The following MAEA variants were observed in gnomAD, a reference collection of about 807,000 sequenced individuals.
MAEA encodes the protein E3 ubiquitin-protein transferase MAEA.
Under a neutral mutation model 46.2 loss-of-function variants are expected in MAEA, and 22 were observed. The ratio of observed to expected loss-of-function variants is 0.48; its 90% CI spans 0.34 to 0.68. The LOEUF (loss-of-function observed/expected upper bound fraction) is 0.68, where lower values mean the gene tolerates loss of function less well. Among genes scored for constraint, MAEA ranks in the 30% least tolerant of loss-of-function variants. The pLI is 0.01. For missense variants in MAEA, 393 were observed against 558.1 expected, an observed-to-expected ratio of 0.70 and a Z score of 2.98; for synonymous variants, 246 against 222.6, an observed-to-expected ratio of 1.11 and a Z score of -0.94.
intron 5 of MAEA, chr4:1,330,970 G>C (rs10012819): frequency 0.16 from 24,138 of 152,076 alleles, 2,487 homozygotes; most frequent in African/African-American, 0.29. Context: ...GCGTAAACCA[G>C]GTCATGCAAA....
In MAEA at chr4:1,332,762, C is replaced by G. The variant is rs1385757620; in HGVS notation, c.662C>G (p.Ala221Gly). Residue 221 changes from alanine (A) to glycine (G), a missense_variant, in exon 6 of 9, where the codon GCA (alanine) becomes GGA (glycine). Physicochemically the swap from Ala to Gly is moderately conservative, Grantham distance 60 (BLOSUM62 0). Around this residue, in one of 2 missense-constraint regions of MAEA, gnomAD observed 358 missense variants for 537.9 expected, o/e 0.67. Transcript: ENST00000303400. ...GCCAAAATGTTGTTTTTTAGACATG[C>G]AAGAAAGCACTTCAGCCAAGCAGAA... ...QNKRLDAVRH[A>G]RKHFSQAEGS... The G allele has an allele frequency of 1.9e-6, 3 of 1,610,268 alleles. 1 individual carries two copies. The highest frequency in any genetic ancestry group is 2.2e-5 in the South Asian group (2 of 90,790).
intron 1 of MAEA, among the ~76,000 whole-genome samples, chr4:1,303,584 C>G (rs867269856): frequency 1.3e-5 from 2 of 151,986 alleles, no homozygotes; most frequent in Admixed American, 6.6e-5. Context: ...AAGCCAGATA[C>G]AAAAGTCCAC....
At chr4:1,312,278 G>A (rs1418321848) in intron 2 of MAEA, 117 bp downstream of exon 2, 1 of 1,286,294 alleles carries the variant, frequency 7.8e-7, no homozygotes, top group African/African-American at 1.5e-5. Flanking sequence ...TGCGGTTGGG[G>A]GCCCCCTTCC....
chr4:1,308,290 C>T (rs1417246620), intron 1 of MAEA, among the ~76,000 whole-genome samples: 1 of 152,202 alleles, frequency 6.6e-6, no homozygotes, highest in East Asian at 1.9e-4. Context: ...ACCACTATCA[C>T]CTGCACGGTC....
At chr4:1,309,391 C>G (rs541903255) in intron 1 of MAEA, 2 of 1,249,482 alleles carry the variant, frequency 1.6e-6, no homozygotes, top group South Asian at 6.5e-5. Flanking sequence ...CTTTTAGGGC[C>G]CGGAGTCACG....
At chr4:1,316,894 C>A (rs1275572832) in intron 3 of MAEA, among the ~76,000 whole-genome samples, 3 of 151,920 alleles carry the variant, frequency 2.0e-5, no homozygotes, top group Non-Finnish European at 4.4e-5. Flanking sequence ...CTGCCCAGCT[C>A]CCCAGCCTTG....
At chr4:1,309,984 C>G in intron 1 of MAEA, 1 of 1,244,312 alleles carries the variant, frequency 8.0e-7, no homozygotes, top group Non-Finnish European at 1.0e-6. Context: ...TGGTGGCGGT[C>G]TGGAATGTGC....
At chr4:1,321,244 T>C (rs1738049080) in intron 3 of MAEA, among the ~76,000 whole-genome samples, 1 of 150,980 alleles carries the variant, frequency 6.6e-6, no homozygotes, top group South Asian at 2.1e-4. Flanking sequence ...ATGAAGGGGC[T>C]TCAGAAAAGA....
intron 1 of MAEA, among the ~76,000 whole-genome samples, chr4:1,300,570 G>A (rs1348120494): frequency 1.3e-5 from 2 of 152,268 alleles, no homozygotes; most frequent in African/African-American, 2.4e-5. Context: ...CGTGGGGCAC[G>A]GCCCCGGCTC....
chr4:1,320,112 G>C (rs1450174684), intron 3 of MAEA, among the ~76,000 whole-genome samples: 3 of 149,362 alleles, frequency 2.0e-5, no homozygotes, highest in African/African-American at 7.5e-5. Context: ...AAACATGCAA[G>C]AAAACGCTAT....
rs189742859 is a variant in MAEA, at chr4:1,317,031, T to C, written c.456+1431T>C. Among the ~76,000 whole-genome samples, 237 of 40,794 alleles carry C rather than the reference T, an allele frequency of 5.8e-3. 22 individuals carry two copies. Among genetic ancestry groups the C allele is most frequent in the Non-Finnish European group, 6.6e-3 (137 of 20,906 alleles). The allele number at this position is 40,794 out of a possible 152,430, so 26.8% of individuals were successfully genotyped here. A position where few individuals can be genotyped will look rare whatever the true frequency, so the allele number is the denominator to read the frequency against. ...CCGGCCCCCACACTCCAGACTCACC[T>C]GCAGGCCCACCCGGTCCCACACTCC... On this transcript the variant is annotated intron_variant, in intron 3 of 8. Coordinates refer to ENST00000303400, the MANE Select transcript of MAEA (RefSeq NM_001017405.3).
chr4:1,311,714 T>G lies in MAEA; in HGVS notation c.70-265T>G. Reference sequence around the variant, plus strand: ...AACTGTTCGTTATTCTGGATGAACTTTGGGATTATTTTGTCAACATACACG... The same window carrying G: ...AACTGTTCGTTATTCTGGATGAACTGTGGGATTATTTTGTCAACATACACG... On this transcript the variant is annotated intron_variant, in intron 1 of 8. Coordinates refer to ENST00000303400, the MANE Select transcript of MAEA (RefSeq NM_001017405.3). The surrounding 1 kb of genome is among the most constrained non-coding windows in gnomAD (Gnocchi z 4.4). Among the ~76,000 whole-genome samples, 1 of 152,206 alleles carries G rather than the reference T, an allele frequency of 6.6e-6. No individual in the cohort carries two copies. Among genetic ancestry groups the G allele is most frequent in the South Asian group, 2.1e-4 (1 of 4,838 alleles).
rs1304702213 is a variant in MAEA at position 1,315,543 on chromosome 4, G to A, written c.399G>A (p.Leu133=). The A allele has an allele frequency of 6.2e-7, 1 of 1,613,726 alleles. No homozygotes were observed. The highest frequency in any genetic ancestry group is 8.5e-7 in the Non-Finnish European group (1 of 1,179,978). Residue 133 remains leucine (L), a synonymous_variant, in exon 3 of 9, where the codon CTG becomes CTA. Coordinates refer to ENST00000303400, the MANE Select transcript of MAEA (RefSeq NM_001017405.3). ...TGGATCGCATGATGGTGGAGCACCT[G>A]CTGCGTTGCGGCTACTACAACACGG... ...KRMDRMMVEH[L]LRCGYYNTAV... is the part of the protein sequence containing the mutation.
rs116533559 is a variant in MAEA, at chr4:1,330,109, G to A, written c.656+2406G>A. The A allele has an allele frequency of 1.2e-3, 1,140 of 985,406 alleles. 9 individuals carry two copies. The African/African-American group carries it at 0.018, about 16-fold the overall frequency. The allele number at this position is 985,406 out of a possible 1,614,324, so 61.0% of individuals were successfully genotyped here. ...GCCTGGGGCATTTGTGGGTTTTTGC[G>A]AAATGCAAAAGTATGAGCTGCTAGT... On this transcript the variant is annotated intron_variant, in intron 5 of 8. Transcript: ENST00000303400.
At chr4:1,335,243 T>G (rs1271395304) in intron 6 of MAEA, 19 of 985,318 alleles carry the variant, frequency 1.9e-5, no homozygotes, top group South Asian at 4.7e-5. Context: ...GAAGTAAGAG[T>G]TTTTACACCT....
At chr4:1,333,504 G>A (rs574225090) in intron 6 of MAEA, among the ~76,000 whole-genome samples, 5 of 152,216 alleles carry the variant, frequency 3.3e-5, no homozygotes, top group South Asian at 2.1e-4. Flanking sequence ...TCTTGCTGAC[G>A]CTTTGTATTT....
chr4:1,297,085 C>T (rs78122234), intron 1 of MAEA, among the ~76,000 whole-genome samples: 12,356 of 152,216 alleles, frequency 0.081, 1,155 homozygotes, highest in East Asian at 0.42. Context: ...TTCAAAGATA[C>T]GATACCAGGC....
At chr4:1,295,659 GCT>G in intron 1 of MAEA, among the ~76,000 whole-genome samples, 1 of 69,416 alleles carries the variant, frequency 1.4e-5, no homozygotes, top group East Asian at 3.5e-4. Context: ...CCCCTCACCC[GCT>G]CCTGTACCCC....
rs1320259927 is a variant in MAEA at position 1,334,166 on chromosome 4, GCCCA to G, written c.765+1305_765+1308del. On this transcript the variant is annotated intron_variant, in intron 6 of 8. Coordinates refer to ENST00000303400, the MANE Select transcript of MAEA (RefSeq NM_001017405.3). ...TGCTCACCCCTGCATCCACCCCCAT[GCCCA>G]CCCCTGTGCTCATCACACTGGGAAC... Among the ~76,000 whole-genome samples, 141 of 100,702 alleles carry G rather than the reference GCCCA, an allele frequency of 1.4e-3. 20 individuals are homozygous for G. The highest frequency in any genetic ancestry group is 2.3e-3 in the Non-Finnish European group (101 of 44,354). 66.1% of individuals were successfully genotyped at this position (100,702 alleles called of 152,430 possible).
Sources: gnomAD v4.1 joint callset for allele counts (sites outside exome capture counted in the v4.1 genomes callset) on GRCh38, gnomAD v4.1.1 for gene constraint, gnomAD v4.1.1 regional missense constraint, Gnocchi (gnomAD v3.1) non-coding constraint, MANE v1.5 for transcripts, NCBI Gene and HGNC (gene_info 2026-07-23, HGNC 2026-07-21) for gene names.